The following PXDNL variants were observed in gnomAD, a reference collection of about 807,000 sequenced individuals.
PXDNL encodes the protein probable oxidoreductase PXDNL.
In PXDNL, 145 loss-of-function variants were observed where a neutral mutation model predicts 150.8. The observed-to-expected ratio is 0.96, with a 90% CI of 0.84 to 1.10. The LOEUF (loss-of-function observed/expected upper bound fraction) is 1.10. Among genes scored for constraint, PXDNL ranks in the 50% least tolerant of loss-of-function variants. The pLI is 0.00. For missense variants in PXDNL, 2,087 were observed against 1,873.9 expected, an observed-to-expected ratio of 1.11 and a Z score of -2.10; for synonymous variants, 757 against 725.7, an observed-to-expected ratio of 1.04 and a Z score of -0.69.
At chr8:51,796,949 A>C (rs2037567680) in intron 1 of PXDNL, among the ~76,000 whole-genome samples, 1 of 152,242 alleles carries the variant, frequency 6.6e-6, no homozygotes. Context: ...AACCAAATCC[A>C]GCAGCACATT....
intron 1 of PXDNL, among the ~76,000 whole-genome samples, chr8:51,790,114 C>T (rs1359869121): frequency 6.6e-6 from 1 of 151,676 alleles, no homozygotes; most frequent in Non-Finnish European, 1.5e-5. Flanking sequence ...GGGAAAAAAG[C>T]ACAGTATGAC....
intron 3 of PXDNL, among the ~76,000 whole-genome samples, chr8:51,585,016 G>T (rs1388355658): frequency 6.6e-6 from 1 of 152,064 alleles, no homozygotes; most frequent in African/African-American, 2.4e-5. Flanking sequence ...GAAACTTTAG[G>T]ACTTAACAAC....
At position 51,533,008 on chromosome 8, in the gene PXDNL, G is replaced by A. The variant is rs528388638; in HGVS notation, c.380+23832C>T. Reference sequence around the variant, plus strand: ...GAAAAAAAGGAAAAGAAAAAAAAGTGTGGCCTCCTGACAGCCACAGCAGCA... The same window carrying A: ...GAAAAAAAGGAAAAGAAAAAAAAGTATGGCCTCCTGACAGCCACAGCAGCA... On this transcript the variant is annotated intron_variant, in intron 4 of 22. Coordinates refer to ENST00000356297, the MANE Select transcript of PXDNL (RefSeq NM_144651.5). 2.6e-5 allele frequency among the ~76,000 whole-genome samples: 4 copies of A among 151,874 alleles called. No individual in the cohort carries two copies. The South Asian group carries it at 8.3e-4, about 32-fold the overall frequency.
chr8:51,628,413 T>TC (rs1814412690), intron 2 of PXDNL, among the ~76,000 whole-genome samples: 1 of 126,338 alleles, frequency 7.9e-6, no homozygotes, highest in Non-Finnish European at 1.7e-5. Flanking sequence ...TTTTTTTTTT[T>TC]TTTTTTTTTG....
intron 8 of PXDNL, among the ~76,000 whole-genome samples, chr8:51,459,005 G>GA (rs1420325705): frequency 1.3e-5 from 2 of 152,122 alleles, no homozygotes; most frequent in Admixed American, 1.3e-4. Flanking sequence ...ATTAGTTTCA[G>GA]AAAAAACAGG....
chr8:51,608,853 A>AAG (rs1813935935), intron 2 of PXDNL, among the ~76,000 whole-genome samples: 1 of 144,690 alleles, frequency 6.9e-6, no homozygotes, highest in South Asian at 2.1e-4. Flanking sequence ...AAAAAAAAAA[A>AAG]AAAAAAGAAA....
intron 1 of PXDNL, among the ~76,000 whole-genome samples, chr8:51,776,910 C>T (rs112386383): frequency 1.3e-4 from 20 of 152,094 alleles, no homozygotes; most frequent in African/African-American, 4.8e-4. Context: ...GTTTATTAGC[C>T]TAGGAACAAA....
intron 19 of PXDNL, among the ~76,000 whole-genome samples, chr8:51,359,842 A>G (rs147651993): frequency 6.6e-6 from 1 of 152,330 alleles, no homozygotes; most frequent in African/African-American, 2.4e-5. Context: ...CAATTGCAAT[A>G]TAAGAAACTA....
chr8:51,639,010 G>A (rs766613441), intron 2 of PXDNL, among the ~76,000 whole-genome samples: 1 of 152,026 alleles, frequency 6.6e-6, no homozygotes, highest in Non-Finnish European at 1.5e-5. Flanking sequence ...TCTCTCAGAC[G>A]ACAGTACAAT....
At chr8:51,711,045 G>T (rs1327169397) in intron 1 of PXDNL, among the ~76,000 whole-genome samples, 2 of 152,108 alleles carry the variant, frequency 1.3e-5, no homozygotes, top group African/African-American at 4.8e-5. Context: ...ATATATAAAA[G>T]ATATCCAAAT....
intron 1 of PXDNL, among the ~76,000 whole-genome samples, chr8:51,713,839 G>T (rs1219724090): frequency 6.6e-6 from 1 of 152,136 alleles, no homozygotes; most frequent in East Asian, 1.9e-4. Flanking sequence ...AATAATGTTA[G>T]ATCCAAGCAA....
At chr8:51,557,927 G>A (rs1183881189) in intron 3 of PXDNL, among the ~76,000 whole-genome samples, 5 of 152,086 alleles carry the variant, frequency 3.3e-5, no homozygotes, top group Non-Finnish European at 5.9e-5. Context: ...TCTAAAAGTA[G>A]CAGTGACCAG....
chr8:51,356,681 A>C (rs1357525395), intron 19 of PXDNL, among the ~76,000 whole-genome samples: 1 of 152,136 alleles, frequency 6.6e-6, no homozygotes, highest in Non-Finnish European at 1.5e-5. Context: ...TTCTCGTTAT[A>C]GTCATTCATT....
chr8:51,364,725 T>G (rs750503756), intron 19 of PXDNL, among the ~76,000 whole-genome samples: 9 of 152,200 alleles, frequency 5.9e-5, no homozygotes, highest in Non-Finnish European at 1.2e-4. Flanking sequence ...TACCCTCCTC[T>G]TAACCTACAT....
At chr8:51,631,606 A>G (rs1211242591) in intron 2 of PXDNL, among the ~76,000 whole-genome samples, 1 of 152,194 alleles carries the variant, frequency 6.6e-6, no homozygotes, top group African/African-American at 2.4e-5. Flanking sequence ...AATATCCAGT[A>G]GAGATAACTA....
chr8:51,544,286 C>A (rs1812301733), intron 4 of PXDNL, among the ~76,000 whole-genome samples: 1 of 152,146 alleles, frequency 6.6e-6, no homozygotes, highest in Non-Finnish European at 1.5e-5. Context: ...GAAGCTCCAG[C>A]AGATGGTGCA....
At chr8:51,671,729 C>T (rs889321379) in intron 1 of PXDNL, among the ~76,000 whole-genome samples, 9 of 152,142 alleles carry the variant, frequency 5.9e-5, no homozygotes, top group African/African-American at 2.2e-4. Flanking sequence ...TACAGACCTT[C>T]ATACCACTCT....
At chr8:51,613,922 T>C (rs1814075213) in intron 2 of PXDNL, among the ~76,000 whole-genome samples, 1 of 152,158 alleles carries the variant, frequency 6.6e-6, no homozygotes, top group South Asian at 2.1e-4. Context: ...ATTTATGTAC[T>C]GTTAGGTGCC....
intron 1 of PXDNL, among the ~76,000 whole-genome samples, chr8:51,696,213 C>T (rs1489515555): frequency 6.6e-6 from 1 of 152,136 alleles, no homozygotes; most frequent in Non-Finnish European, 1.5e-5. Flanking sequence ...CCCTAAACCC[C>T]CATCTGACTG....
Sources: gnomAD v4.1 joint callset for allele counts (sites outside exome capture counted in the v4.1 genomes callset) on GRCh38, gnomAD v4.1.1 for gene constraint, MANE v1.5 for transcripts, NCBI Gene and HGNC (gene_info 2026-07-23, HGNC 2026-07-21) for gene names.